The following INO80 variants were observed in gnomAD, a reference collection of about 807,000 sequenced individuals.
INO80 encodes the protein chromatin-remodeling ATPase INO80.
A neutral mutation model predicts 203.4 loss-of-function variants in INO80; 20 were observed. That is an observed-to-expected ratio of 0.10 (90% CI 0.07 to 0.14). The LOEUF is 0.14. Among genes scored for constraint, INO80 ranks in the 10% least tolerant of loss-of-function variants. The pLI, the probability that INO80 is intolerant of heterozygous loss-of-function variation, is 1.00. For missense variants in INO80, 1,419 were observed against 1,914.4 expected (o/e 0.74, Z 4.83); for synonymous variants, 726 against 685.2 (o/e 1.06, Z -0.93).
intron 19 of INO80, among the ~76,000 whole-genome samples, chr15:41,051,287 G>A (rs2044866277): frequency 6.6e-6 from 1 of 151,590 alleles, no homozygotes; most frequent in Non-Finnish European, 1.5e-5. Context: ...TGCTCACACT[G>A]CCCTTGTTGC....
chr15:41,070,570 C>A lies in INO80; in HGVS notation c.1606-23G>T. On this transcript the variant is annotated intron_variant, in intron 12 of 35. Transcript: ENST00000648947. ...ACCCTGGGGAAAAAAAATACATGGT[C>A]AACACCTCATGCATTTCATCAAATA... 4 of 1,554,444 alleles carry A rather than the reference C, an allele frequency of 2.6e-6. No homozygotes were observed. In the South Asian group the frequency reaches 3.3e-5, roughly 13 times the overall value.
At chr15:41,106,402 GAGAA>G (rs973176867) in intron 1 of INO80, among the ~76,000 whole-genome samples, 17 of 118,624 alleles carry the variant, frequency 1.4e-4, no homozygotes, top group East Asian at 2.4e-4. Flanking sequence ...AAAAAAAAAA[GAGAA>G]AGAAAGAAAA....
At chr15:41,023,393 A>AAT (rs5812182) in intron 25 of INO80, 447,667 of 455,608 alleles carry the variant, frequency 0.98, 220,416 homozygotes, top group East Asian at 1. Context: ...TTTAAAAAGT[A>AAT]AGTCTAGACT....
At position 41,055,945 on chromosome 15, in the gene INO80, G is replaced by T. The variant is rs1241958523; in HGVS notation, c.2071-581C>A. Among the ~76,000 whole-genome samples, 72 of 128,570 alleles carry T rather than the reference G, an allele frequency of 5.6e-4. No homozygotes were observed. The South Asian group carries it at 6.8e-3, about 12-fold the overall frequency. The allele number at this position is 128,570 out of a possible 152,430, so 84.3% of individuals were successfully genotyped here. On this transcript the variant is annotated intron_variant, in intron 17 of 35. Transcript: ENST00000648947. ...GTTTCTATAAAGTTTTCTTCTTTTG[G>T]TTTTTTTTTTTTTTTTTGAGATGGA...
At chr15:41,053,818 A>T (rs2044930976) in intron 19 of INO80, 111 bp downstream of exon 19, 3 of 685,950 alleles carry the variant, frequency 4.4e-6, no homozygotes, top group East Asian at 2.7e-5. Flanking sequence ...GCAAGTTTAA[A>T]CGTCTTCCTT....
At chr15:41,057,817 A>AAAAAAAAAAAAAAAAAG (rs1555403662) in intron 16 of INO80, among the ~76,000 whole-genome samples, 3 of 138,558 alleles carry the variant, frequency 2.2e-5, no homozygotes, top group African/African-American at 9.6e-5. Flanking sequence ...AAAAAAAAAA[A>AAAAAAAAAAAAAAAAAG]AAAGAAAGAA....
chr15:40,988,370 G>A (rs900185032), intron 29 of INO80, among the ~76,000 whole-genome samples: 6 of 152,280 alleles, frequency 3.9e-5, no homozygotes, highest in Admixed American at 2.0e-4. Context: ...TTATTTAAAT[G>A]CTGTTAAGAC....
At chr15:41,019,795 T>C (rs1184787017) in intron 26 of INO80, among the ~76,000 whole-genome samples, 4 of 152,220 alleles carry the variant, frequency 2.6e-5, no homozygotes, top group Admixed American at 1.3e-4. Flanking sequence ...GGCAAACCCC[T>C]TGACACTTGA....
intron 21 of INO80, among the ~76,000 whole-genome samples, 190 bp downstream of exon 21, chr15:41,049,097 A>C (rs2044818371): frequency 1.3e-5 from 2 of 152,232 alleles, no homozygotes. Context: ...AGGGCCTTTA[A>C]GGCCACCTAG....
intron 7 of INO80, 38 bp downstream of exon 7, chr15:41,085,331 A>T (rs759084408): frequency 6.4e-7 from 1 of 1,562,264 alleles, no homozygotes; most frequent in East Asian, 2.3e-5. Context: ...GAGAGAAAAC[A>T]TTCTCCTAAT....
At chr15:41,072,083 TA>T (rs1260756103) in intron 11 of INO80, 25 bp from the exon 12 acceptor site, 5 of 1,268,750 alleles carry the variant, frequency 3.9e-6, no homozygotes, top group African/African-American at 1.8e-5. Context: ...AAAAAAAAAT[TA>T]GAAAAAAAAA....
Position 40,982,996 on chromosome 15 carries a change from G to T in INO80, c.4319C>A (p.Thr1440Lys), listed in dbSNP as rs926831476. Residue 1440 changes from threonine to lysine, a missense_variant, in exon 35 of 36, where the codon ACA becomes AAA. Coordinates refer to ENST00000648947, the MANE Select transcript of INO80 (RefSeq NM_017553.3). ...CCGGCCCTTCCCTGCTCCTTTGGCT[G>T]TGCTTCCTGAACCTTTGGGGCGGCC... ...SRGRPKGSGSTAKGAGKGRSR... is the reference protein window; with the variant it reads ...SRGRPKGSGSKAKGAGKGRSR... 1 of 1,614,168 alleles carries T rather than the reference G, an allele frequency of 6.2e-7. No individual in the cohort carries two copies. The highest frequency in any genetic ancestry group is 8.5e-7 in the Non-Finnish European group (1 of 1,180,034).
chr15:41,028,114 T>A (rs1467047007), intron 24 of INO80, among the ~76,000 whole-genome samples: 1 of 152,078 alleles, frequency 6.6e-6, no homozygotes, highest in African/African-American at 2.4e-5. Context: ...TTGAAAACAA[T>A]GATGACCAAC....
At position 40,988,780 on chromosome 15, in the gene INO80, C is replaced by T. The variant is rs564649518; in HGVS notation, c.3571-806G>A. On this transcript the variant is annotated intron_variant, in intron 29 of 35. Coordinates refer to ENST00000648947, the MANE Select transcript of INO80 (RefSeq NM_017553.3). ...CTGTAATCCCATCACTTTGGGAGGCCAAGGCGAGTGGATTACTTGAGGTCA... is the reference window on the plus strand; with the variant it reads ...CTGTAATCCCATCACTTTGGGAGGCTAAGGCGAGTGGATTACTTGAGGTCA... Among the ~76,000 whole-genome samples the T allele has an allele frequency of 3.0e-4, 45 of 152,230 alleles. No homozygotes were observed. In the South Asian group the frequency reaches 6.0e-3, roughly 20 times the overall value.
chr15:41,023,814 A>C (rs564131429), intron 25 of INO80, among the ~76,000 whole-genome samples: 27 of 150,822 alleles, frequency 1.8e-4, no homozygotes, highest in East Asian at 5.8e-4. Flanking sequence ...AAACAAAAAA[A>C]AACAACAAAA....
At chr15:41,064,599 T>C (rs934674944) in intron 14 of INO80, among the ~76,000 whole-genome samples, 2 of 152,154 alleles carry the variant, frequency 1.3e-5, no homozygotes, top group East Asian at 3.8e-4. Flanking sequence ...CATCAAACCT[T>C]TGGATGGCTA....
intron 22 of INO80, among the ~76,000 whole-genome samples, chr15:41,047,790 C>A (rs540629729): frequency 1.1e-3 from 171 of 152,232 alleles, no homozygotes; most frequent in African/African-American, 4.0e-3. Context: ...TTGTCCAATG[C>A]TAGGAAAAAG....
chr15:41,068,358 C>G (rs947009111), intron 14 of INO80, among the ~76,000 whole-genome samples: 5 of 152,040 alleles, frequency 3.3e-5, no homozygotes, highest in Non-Finnish European at 5.9e-5. Context: ...AGTTCGAGAC[C>G]AGCCTGACCA....
chr15:40,995,135 C>T (rs543951029), intron 29 of INO80, among the ~76,000 whole-genome samples: 1 of 152,218 alleles, frequency 6.6e-6, no homozygotes, highest in Non-Finnish European at 1.5e-5. Flanking sequence ...GGATTACAAG[C>T]GTGAGCCACC....
Sources: gnomAD v4.1 joint callset for allele counts (sites outside exome capture counted in the v4.1 genomes callset) on GRCh38, gnomAD v4.1.1 for gene constraint, MANE v1.5 for transcripts, NCBI Gene and HGNC (gene_info 2026-07-23, HGNC 2026-07-21) for gene names.